SEMA6B: variants seen among roughly 807,000 people sequenced by gnomAD.
The protein encoded by SEMA6B is semaphorin-6B.
SEMA6B carries 47 observed loss-of-function variants against 78.6 expected under a neutral mutation model. That is an observed-to-expected ratio of 0.60 (90% CI 0.47 to 0.76). The LOEUF is 0.76. SEMA6B is among the 30% of genes least tolerant of loss of function. The pLI, the probability that SEMA6B is intolerant of heterozygous loss-of-function variation, is 0.00. For synonymous variants in SEMA6B, 632 were observed against 592.2 expected, an observed-to-expected ratio of 1.07 and a Z score of -0.98; for missense variants, 1,213 against 1,269.9, an observed-to-expected ratio of 0.96 and a Z score of 0.68.
chr19:4,547,961 G>A (rs1471721532), intron 14 of SEMA6B, 66 bp downstream of exon 14: 8 of 1,468,054 alleles, frequency 5.4e-6, no homozygotes, highest in Admixed American at 2.3e-5. Context: ...CTGGAACCCA[G>A]CTGTCCCTCC....
In SEMA6B at chr19:4,555,587, G is replaced by C. The variant is rs780071061; in HGVS notation, c.472-23C>G. On this transcript the variant is annotated intron_variant, in intron 6 of 16. Coordinates refer to ENST00000586582, the MANE Select transcript of SEMA6B (RefSeq NM_032108.4). The surrounding 1 kb of genome is among the most constrained non-coding windows in gnomAD (Gnocchi z 6.1). ...TATCTGCAGGGACCATGGGGCCTGAGTGACAGATCTCCTGACCCCACCTAG... is the reference window on the plus strand; with the variant it reads ...TATCTGCAGGGACCATGGGGCCTGACTGACAGATCTCCTGACCCCACCTAG... The C allele has an allele frequency of 6.3e-7, 1 of 1,594,426 alleles. No individual in the cohort carries two copies. The highest frequency in any genetic ancestry group is 8.6e-7 in the Non-Finnish European group (1 of 1,164,446).
chr19:4,547,443 G>C (rs572209026), intron 14 of SEMA6B, among the ~76,000 whole-genome samples: 1 of 152,342 alleles, frequency 6.6e-6, no homozygotes, highest in Admixed American at 6.5e-5. Context: ...CCTTGGACTC[G>C]GAGCTACTGG....
In SEMA6B at chr19:4,552,155, A is replaced by T. The variant is rs1354425892; in HGVS notation, c.989+267T>A. On this transcript the variant is annotated intron_variant, in intron 10 of 16. Coordinates refer to ENST00000586582, the MANE Select transcript of SEMA6B (RefSeq NM_032108.4). This position sits in a 1 kb window ranked among gnomAD's most constrained non-coding sequence, Gnocchi z 7.4. ...TTCCTCCATCTCACACCCAAAGTCC[A>T]GCTCCAATGTCCCCTCCTCCAGGAA... Among the ~76,000 whole-genome samples the T allele has an allele frequency of 6.6e-6, 1 of 152,156 alleles. No individual in the cohort carries two copies. Among genetic ancestry groups the T allele is most frequent in the East Asian group, 1.9e-4 (1 of 5,194 alleles).
Position 4,555,563 on chromosome 19 carries a change from A to G in SEMA6B, c.473T>C (p.Ile158Thr). 1 of 1,612,366 alleles carries G rather than the reference A, an allele frequency of 6.2e-7. No individual in the cohort carries two copies. The highest frequency in any genetic ancestry group is 1.1e-5 in the South Asian group (1 of 91,012). ...GTCTCCGACGGGCTGCAGGGTGTCT[A>G]TCTGCAGGGACCATGGGGCCTGAGT... ...AFNPVCANYSIDTLQPVGDNI... is the reference protein window; with the variant it reads ...AFNPVCANYSTDTLQPVGDNI... The change falls in exon 7 of 17, where the codon ATA (isoleucine) becomes ACA (threonine). Residue 158 changes from isoleucine to threonine, a missense_variant and splice_region_variant. Physicochemically the swap from Ile to Thr is moderately conservative, Grantham distance 89 (BLOSUM62 -1). Coordinates refer to ENST00000586582, the MANE Select transcript of SEMA6B (RefSeq NM_032108.4). The surrounding 1 kb of genome is among the most constrained non-coding windows in gnomAD (Gnocchi z 6.1).
In SEMA6B at chr19:4,544,097, T is replaced by C; in HGVS notation, c.2171A>G (p.His724Arg). Residue 724 changes from histidine to arginine, a missense_variant, in exon 17 of 17, where the codon CAC (histidine) becomes CGC (arginine). Transcript: ENST00000586582. The surrounding 1 kb of genome is among the most constrained non-coding windows in gnomAD (Gnocchi z 5.1). ...PLPQKRLPTP[H>R]PHPHALGPRA... Reference sequence around the variant, plus strand: ...GGGGCCCAGGGCGTGGGGGTGCGGGTGCGGAGTGGGCAGGCGCTTCTGCGG... The same window carrying C: ...GGGGCCCAGGGCGTGGGGGTGCGGGCGCGGAGTGGGCAGGCGCTTCTGCGG... 1 of 1,261,796 alleles carries C rather than the reference T, an allele frequency of 7.9e-7. No individual in the cohort carries two copies. The highest frequency in any genetic ancestry group is 1.0e-6 in the Non-Finnish European group (1 of 1,004,702). 78.2% of individuals were successfully genotyped at this position (1,261,796 alleles called of 1,614,324 possible). A position where few individuals can be genotyped will look rare whatever the true frequency, so the allele number is the denominator to read the frequency against.
Position 4,544,217 on chromosome 19 carries a change from A to G in SEMA6B, c.2051T>C (p.Leu684Pro). The change falls in exon 17 of 17, where the codon CTG (leucine) becomes CCG (proline). Residue 684 changes from leucine (L) to proline (P), a missense_variant. Coordinates refer to ENST00000586582, the MANE Select transcript of SEMA6B (RefSeq NM_032108.4). The surrounding 1 kb of genome is among the most constrained non-coding windows in gnomAD (Gnocchi z 5.1). ...GGCCTTGGCCCAGCCGTTCTGCATC[A>G]GGGGCGCCAGCAGGGCCTCCGGGGG... ...GVPPEALLAPLMQNGWAKATL... is the reference protein window; with the variant it reads ...GVPPEALLAPPMQNGWAKATL... 1 of 1,274,480 alleles carries G rather than the reference A, an allele frequency of 7.8e-7. No individual in the cohort carries two copies. Among genetic ancestry groups the G allele is most frequent in the Non-Finnish European group, 9.9e-7 (1 of 1,013,042 alleles). 78.9% of individuals were successfully genotyped at this position (1,274,480 alleles called of 1,614,324 possible). A position where few individuals can be genotyped will look rare whatever the true frequency, so the allele number is the denominator to read the frequency against.
Position 4,559,370 on chromosome 19 carries a change from C to T in SEMA6B, c.-33+160G>A, listed in dbSNP as rs148087576. Among the ~76,000 whole-genome samples, 23 of 152,212 alleles carry T rather than the reference C, an allele frequency of 1.5e-4. No individual in the cohort carries two copies. In the East Asian group the frequency reaches 3.1e-3, roughly 20 times the overall value. ...ATGACAGGCACCTCACTACCTCTCA[C>T]GGGGGACTGCTTCCCACTCCCATTC... On this transcript the variant is annotated intron_variant, in intron 1 of 16. Coordinates refer to ENST00000586582, the MANE Select transcript of SEMA6B (RefSeq NM_032108.4).
chr19:4,557,265 ACC>A, intron 3 of SEMA6B, 42 bp from the exon 4 acceptor site: 1 of 1,475,630 alleles, frequency 6.8e-7, no homozygotes, highest in Non-Finnish European at 9.2e-7. Context: ...GGGCTCCGCC[ACC>A]CTCTCCCGTT....
At position 4,555,441 on chromosome 19, in the gene SEMA6B, G is replaced by C; in HGVS notation, c.562+33C>G. The C allele has an allele frequency of 1.3e-6, 2 of 1,580,506 alleles. No individual in the cohort carries two copies. The highest frequency in any genetic ancestry group is 1.7e-6 in the Non-Finnish European group (2 of 1,156,292). On this transcript the variant is annotated intron_variant, in intron 7 of 16. Coordinates refer to ENST00000586582, the MANE Select transcript of SEMA6B (RefSeq NM_032108.4). This position sits in a 1 kb window ranked among gnomAD's most constrained non-coding sequence, Gnocchi z 6.1. ...AATGCCAGGTCTTGCCTGTGGCTGG[G>C]GCTGATCAGATGGAGGTTGGGGGGG...
Position 4,543,720 on chromosome 19 carries a change from T to C in SEMA6B, c.2548A>G (p.Asn850Asp). The change falls in exon 17 of 17, where the codon AAC becomes GAC. Residue 850 changes from asparagine (N) to aspartate (D), a missense_variant. Transcript: ENST00000586582. Reference protein sequence around the residue: ...AATLRRTHTFNSGEARPGDRH... With the variant: ...AATLRRTHTFDSGEARPGDRH... ...TCCCCAGGCCGGGCCTCGCCGCTGTTGAACGTGTGGGTGCGGCGCAGGGTG... is the reference window on the plus strand; with the variant it reads ...TCCCCAGGCCGGGCCTCGCCGCTGTCGAACGTGTGGGTGCGGCGCAGGGTG... 4 of 1,228,918 alleles carry C rather than the reference T, an allele frequency of 3.3e-6. No homozygotes were observed. The highest frequency in any genetic ancestry group is 4.1e-6 in the Non-Finnish European group (4 of 986,172). 76.1% of individuals were successfully genotyped at this position (1,228,918 alleles called of 1,614,324 possible). A position where few individuals can be genotyped will look rare whatever the true frequency, so the allele number is the denominator to read the frequency against.
intron 12 of SEMA6B, among the ~76,000 whole-genome samples, chr19:4,548,926 C>G (rs1977244919): frequency 6.6e-6 from 1 of 152,206 alleles, no homozygotes; most frequent in South Asian, 2.1e-4. Flanking sequence ...TCAAGCGATT[C>G]TCCTGCCTCA....
chr19:4,553,606 CAGAT>C (rs756179042), intron 9 of SEMA6B, among the ~76,000 whole-genome samples: 10 of 136,024 alleles, frequency 7.4e-5, no homozygotes, highest in East Asian at 2.3e-4. Context: ...GATGGATTGG[CAGAT>C]GGATGGATAG....
In SEMA6B at chr19:4,544,047, G is replaced by C; in HGVS notation, c.2221C>G (p.Leu741Val). Residue 741 changes from leucine to valine, a missense_variant, in exon 17 of 17, where the codon CTG (leucine) becomes GTG (valine). Leu to Val is a conservative substitution (Grantham distance 32, BLOSUM62 1). Transcript: ENST00000586582. This position sits in a 1 kb window ranked among gnomAD's most constrained non-coding sequence, Gnocchi z 5.1. ...GAGGATGAAGCGGAGGCCGGGAGCA[G>C]GGGGTGGCCGTGGTCCCAGGCGCGG... Reference protein sequence around the residue: ...GPRAWDHGHPLLPASASSSLL... With the variant: ...GPRAWDHGHPVLPASASSSLL... 1 of 1,223,952 alleles carries C rather than the reference G, an allele frequency of 8.2e-7. No individual in the cohort carries two copies. 75.8% of individuals were successfully genotyped at this position (1,223,952 alleles called of 1,614,324 possible).
In SEMA6B at chr19:4,552,353, G is replaced by A. The variant is rs1214619173; in HGVS notation, c.989+69C>T. On this transcript the variant is annotated intron_variant, in intron 10 of 16. Coordinates refer to ENST00000586582, the MANE Select transcript of SEMA6B (RefSeq NM_032108.4). This position sits in a 1 kb window ranked among gnomAD's most constrained non-coding sequence, Gnocchi z 7.4. ...CTAGCACCCAGGGCATACCTGAGGAGTGAATACAGGCCCTCTCTACCCATG... is the reference window on the plus strand; with the variant it reads ...CTAGCACCCAGGGCATACCTGAGGAATGAATACAGGCCCTCTCTACCCATG... 5 of 1,437,646 alleles carry A rather than the reference G, an allele frequency of 3.5e-6. No individual in the cohort carries two copies. The highest frequency in any genetic ancestry group is 2.6e-5 in the South Asian group (2 of 76,904). 89.1% of individuals were successfully genotyped at this position (1,437,646 alleles called of 1,614,324 possible).
rs535632812 is a variant in SEMA6B, at chr19:4,550,989, G to C, written c.990-59C>G. ...CGGTGGGAGGCCCCATCTCGGACAA[G>C]TGCGTGCAGGAGCCTCTGTCTGCAG... On this transcript the variant is annotated intron_variant, in intron 10 of 16. Transcript: ENST00000586582. The surrounding 1 kb of genome is among the most constrained non-coding windows in gnomAD (Gnocchi z 6.6). The C allele has an allele frequency of 6.3e-7, 1 of 1,594,314 alleles. No individual in the cohort carries two copies. The highest frequency in any genetic ancestry group is 1.3e-5 in the African/African-American group (1 of 74,672).
In SEMA6B at chr19:4,550,531, T is replaced by C. The variant is rs1478670189; in HGVS notation, c.1122-259A>G. On this transcript the variant is annotated intron_variant, in intron 11 of 16. Transcript: ENST00000586582. This position sits in a 1 kb window ranked among gnomAD's most constrained non-coding sequence, Gnocchi z 6.6. ...GGCACGTGCCATCACGCCCGGCTAATTTTTGTATTTTTAGTAGAGACAGGG... is the reference window on the plus strand; with the variant it reads ...GGCACGTGCCATCACGCCCGGCTAACTTTTGTATTTTTAGTAGAGACAGGG... Among the ~76,000 whole-genome samples the C allele has an allele frequency of 1.3e-5, 2 of 152,024 alleles. No homozygotes were observed. Among genetic ancestry groups the C allele is most frequent in the Non-Finnish European group, 2.9e-5 (2 of 67,990 alleles).
At position 4,556,950 on chromosome 19, in the gene SEMA6B, C is replaced by A; in HGVS notation, c.369+1G>T. ...CCGGGACCGAGCCAGGGCCAACTCA[C>A]CTCCTGTTTGCCCTTCATCCGACAC... On this transcript the variant is annotated splice_donor_variant, in intron 5 of 16. Coordinates refer to ENST00000586582, the MANE Select transcript of SEMA6B (RefSeq NM_032108.4). LOFTEE classifies it high-confidence loss of function. 6.2e-7 allele frequency: 1 copy of A among 1,612,740 alleles called. No homozygotes were observed. The highest frequency in any genetic ancestry group is 8.5e-7 in the Non-Finnish European group (1 of 1,179,312).
chr19:4,557,924 C>G, intron 3 of SEMA6B, 102 bp downstream of exon 3: 1 of 1,055,182 alleles, frequency 9.5e-7, no homozygotes, highest in Middle Eastern at 2.2e-4. Flanking sequence ...CCAACAGGCC[C>G]TGCACGACCT....
Position 4,543,344 on chromosome 19 carries a change from A to T in SEMA6B, c.*257T>A. 2.2e-6 allele frequency: 1 copy of T among 450,182 alleles called. No homozygotes were observed. The highest frequency in any genetic ancestry group is 3.9e-6 in the Non-Finnish European group (1 of 255,932). 27.9% of individuals were successfully genotyped at this position (450,182 alleles called of 1,614,324 possible). On this transcript the variant is annotated 3_prime_UTR_variant, in exon 17 of 17. Transcript: ENST00000586582. ...AAAAAAAACCAAAACCTACGCGCAT[A>T]AGGTCAACCTCAAATCCATAGCAAA...
Sources: allele counts gnomAD v4.1 joint callset (sites outside exome capture counted in the v4.1 genomes callset), GRCh38; gene constraint gnomAD v4.1.1; non-coding constraint Gnocchi (gnomAD v3.1); transcripts MANE v1.5; gene names NCBI Gene and HGNC (gene_info 2026-07-23, HGNC 2026-07-21).